The following MAPK10 variants were observed in gnomAD, a reference collection of about 807,000 sequenced individuals.
MAPK10 encodes the protein mitogen-activated protein kinase 10.
MAPK10 carries 25 observed loss-of-function variants against 59.3 expected under a neutral mutation model. That is an observed-to-expected ratio of 0.42 (90% CI 0.31 to 0.59). The LOEUF (loss-of-function observed/expected upper bound fraction) is 0.59, where lower values mean the gene tolerates loss of function less well. Ranked by LOEUF, MAPK10 falls within the 20% of genes least tolerant of loss-of-function variation. MAPK10 has a pLI of 0.15. For missense variants in MAPK10, 351 were observed against 568.9 expected, an observed-to-expected ratio of 0.62 and a Z score of 3.90; for synonymous variants, 190 against 200.5, an observed-to-expected ratio of 0.95 and a Z score of 0.44.
At chr4:86,071,979 G>C (rs1160836104) in intron 9 of MAPK10, among the ~76,000 whole-genome samples, 1 of 124,456 alleles carries the variant, frequency 8.0e-6, no homozygotes, top group Non-Finnish European at 1.7e-5. Flanking sequence ...AAATTACCTT[G>C]GGCAGTATGG....
chr4:86,184,956 C>T (rs567647543), intron 3 of MAPK10, among the ~76,000 whole-genome samples: 38 of 152,166 alleles, frequency 2.5e-4, no homozygotes, highest in Non-Finnish European at 5.3e-4. Flanking sequence ...GAACAGGAGA[C>T]GATTCCAATG....
chr4:86,292,656 T>A (rs1284083726), intron 2 of MAPK10, among the ~76,000 whole-genome samples: 5 of 152,198 alleles, frequency 3.3e-5, no homozygotes, highest in Non-Finnish European at 5.9e-5. Context: ...GAGTTTGAAG[T>A]TGCAGTAGCT....
chr4:86,454,965 G>A (rs528977763), upstream of MAPK10, among the ~76,000 whole-genome samples: 76 of 152,194 alleles, frequency 5.0e-4, no homozygotes, highest in African/African-American at 1.6e-3. Flanking sequence ...GAAGGGATTC[G>A]GACCCTATCT....
chr4:86,188,694 G>A (rs2078889695), intron 3 of MAPK10, among the ~76,000 whole-genome samples: 6 of 152,088 alleles, frequency 3.9e-5, no homozygotes, highest in Admixed American at 3.9e-4. Flanking sequence ...TCTGTGGGTT[G>A]CCTGTTCACT....
chr4:86,392,710 A>G (rs1282840727), intron 1 of MAPK10, among the ~76,000 whole-genome samples: 1 of 152,222 alleles, frequency 6.6e-6, no homozygotes, highest in Non-Finnish European at 1.5e-5. Context: ...TGCTCAATAA[A>G]TACTTGCTGA....
intron 1 of MAPK10, among the ~76,000 whole-genome samples, chr4:86,444,030 A>T (rs565676654): frequency 1.5e-4 from 21 of 144,538 alleles, no homozygotes; most frequent in South Asian, 2.1e-4. Flanking sequence ...CTGAAAATTT[A>T]AAAAAAAAAA....
intron 1 of MAPK10, among the ~76,000 whole-genome samples, chr4:86,492,161 G>GT: frequency 3.3e-5 from 5 of 152,264 alleles, no homozygotes; most frequent in African/African-American, 1.2e-4. Flanking sequence ...GGTAAGAGAA[G>GT]TAAGAATACT....
At chr4:86,186,773 A>C (rs1903362) in intron 3 of MAPK10, among the ~76,000 whole-genome samples, 12,895 of 152,164 alleles carry the variant, frequency 0.085, 1,213 homozygotes, top group African/African-American at 0.23. Flanking sequence ...TCAATTATAT[A>C]TGACAACAGG....
chr4:86,076,420 A>G (rs2049479652), intron 9 of MAPK10, among the ~76,000 whole-genome samples: 1 of 152,034 alleles, frequency 6.6e-6, no homozygotes, highest in African/African-American at 2.4e-5. Context: ...GCTCCTCCCC[A>G]TGATTTTTCT....
chr4:86,248,598 A>T (rs1248731619), intron 2 of MAPK10, among the ~76,000 whole-genome samples: 10 of 152,234 alleles, frequency 6.6e-5, no homozygotes, highest in Admixed American at 6.5e-4. Flanking sequence ...TACCACAAGG[A>T]AGTTTTATAG....
chr4:86,397,094 G>GA (rs896157326), intron 1 of MAPK10, among the ~76,000 whole-genome samples: 10 of 150,042 alleles, frequency 6.7e-5, no homozygotes, highest in Non-Finnish European at 8.9e-5. Flanking sequence ...GAATGAGGTA[G>GA]AAAAAAAAAG....
intron 13 of MAPK10, chr4:86,025,627 A>C: frequency 2.5e-6 from 1 of 396,454 alleles, no homozygotes. Context: ...ATGTTTTGCC[A>C]TCAATAAAGC....
In MAPK10 at chr4:86,011,196, C is replaced by A. The variant is rs1741409263; in HGVS notation, c.*6032G>T. The stretch of plus-strand genomic sequence containing the variant: ...GACTACAATGATGTAAATGGTTGAA[C>A]AGTTGAAATTTAGTCTGGAACTGGG... On this transcript the variant is annotated 3_prime_UTR_variant, in exon 14 of 14. Transcript: ENST00000641462. 6.6e-6 allele frequency: 1 copy of A among 152,210 alleles called. No individual in the cohort carries two copies. The highest frequency in any genetic ancestry group is 6.5e-5 in the Admixed American group (1 of 15,278). 9.4% of individuals were successfully genotyped at this position (152,210 alleles called of 1,614,324 possible).
At chr4:86,109,890 C>A (rs1158893216) in intron 4 of MAPK10, among the ~76,000 whole-genome samples, 3 of 152,178 alleles carry the variant, frequency 2.0e-5, no homozygotes, top group Non-Finnish European at 4.4e-5. Context: ...TTGCCAGCAT[C>A]TGTTTCTTCT....
At chr4:86,585,461 T>A (rs894963371) in intron 1 of MAPK10, among the ~76,000 whole-genome samples, 3 of 152,230 alleles carry the variant, frequency 2.0e-5, no homozygotes, top group African/African-American at 7.2e-5. Flanking sequence ...AAAGTGTTTA[T>A]GTAAATAAGA....
In MAPK10 at chr4:86,354,578, G is replaced by A. The variant is rs886059677; in HGVS notation, c.-55C>T. The A allele has an allele frequency of 8.1e-7, 1 of 1,231,378 alleles. No individual in the cohort carries two copies. Among genetic ancestry groups the A allele is most frequent in the Admixed American group, 4.2e-5 (1 of 23,672 alleles). 76.3% of individuals were successfully genotyped at this position (1,231,378 alleles called of 1,614,324 possible). On this transcript the variant is annotated 5_prime_UTR_variant, in exon 2 of 14. Transcript: ENST00000641462. ...TATAGGAAACGGGTCTAATTCAACA[G>A]TTTCTTGCATAAGTTGCCATAGTGA... is the stretch of plus-strand genomic sequence containing the variant.
chr4:86,414,279 G>T (rs959901875), intron 1 of MAPK10, among the ~76,000 whole-genome samples: 2 of 152,054 alleles, frequency 1.3e-5, no homozygotes, highest in Non-Finnish European at 2.9e-5. Flanking sequence ...TTCTAGAACA[G>T]CTGGCTTTAC....
chr4:86,359,880 T>A lies in MAPK10; in HGVS notation c.-344A>T, dbSNP rs1253528806. 1.0e-6 allele frequency: 1 copy of A among 985,156 alleles called. No homozygotes were observed. The highest frequency in any genetic ancestry group is 6.2e-5 in the Admixed American group (1 of 16,208). The allele number at this position is 985,156 out of a possible 1,614,324, so 61.0% of individuals were successfully genotyped here. Reference sequence around the variant, plus strand: ...AGGGGTGAGGACAAAAAAGGAAATTTGTAAAAATGAAAAAAGAAAAGAAAA... The same window carrying A: ...AGGGGTGAGGACAAAAAAGGAAATTAGTAAAAATGAAAAAAGAAAAGAAAA... On this transcript the variant is annotated 5_prime_UTR_variant, in exon 1 of 14. Coordinates refer to ENST00000641462, the MANE Select transcript of MAPK10 (RefSeq NM_138982.4).
intron 9 of MAPK10, among the ~76,000 whole-genome samples, chr4:86,093,474 T>C (rs1295036450): frequency 6.6e-6 from 1 of 151,884 alleles, no homozygotes; most frequent in Admixed American, 6.6e-5. Context: ...GTTATAAAAT[T>C]AGAACATTTC....
Sources: allele counts gnomAD v4.1 joint callset (sites outside exome capture counted in the v4.1 genomes callset), GRCh38; gene constraint gnomAD v4.1.1; transcripts MANE v1.5; gene names NCBI Gene and HGNC (gene_info 2026-07-23, HGNC 2026-07-21).